Variants in FOXO1 observed in about 807,000 individuals in gnomAD.
The protein encoded by FOXO1 is forkhead box O1, also known as forkhead box protein O1.
A neutral mutation model predicts 44.1 loss-of-function variants in FOXO1; 6 were observed. That is an observed-to-expected ratio of 0.14 (90% confidence interval 0.07 to 0.27). FOXO1 has a LOEUF of 0.27. Ranked by LOEUF, FOXO1 falls within the 10% of genes least tolerant of loss-of-function variation. The probability of loss-of-function intolerance (pLI) is 1.00; values close to 1 mark genes in which losing one functional copy is unlikely to be tolerated. For missense variants in FOXO1, 737 were observed against 888.8 expected (o/e 0.83, Z 2.17); for synonymous variants, 380 against 362.7 (o/e 1.05, Z -0.54).
intron 1 of FOXO1, among the ~76,000 whole-genome samples, chr13:40,635,889 T>C (rs1375279277): frequency 2.0e-5 from 3 of 152,146 alleles, no homozygotes; most frequent in Non-Finnish European, 4.4e-5. Flanking sequence ...TGCATGCATG[T>C]GACAGACCCA....
chr13:40,595,817 G>C (rs1173857025), intron 1 of FOXO1, among the ~76,000 whole-genome samples: 2 of 151,732 alleles, frequency 1.3e-5, no homozygotes, highest in Non-Finnish European at 2.9e-5. Flanking sequence ...AAATACAGGA[G>C]GTATTTTATG....
Position 40,560,031 on chromosome 13 carries a change from G to C in FOXO1, c.1460C>G (p.Pro487Arg). Residue 487 changes from proline (P) to arginine (R), a missense_variant, in exon 2 of 3, where the codon CCC (proline) becomes CGC (arginine). Physicochemically the swap from Pro to Arg is moderately radical, Grantham distance 103 (BLOSUM62 -2). Around this residue, in one of 7 missense-constraint regions of FOXO1, gnomAD observed 283 missense variants for 278.1 expected, o/e 1.02. Transcript: ENST00000379561. The surrounding 1 kb of genome is among the most constrained non-coding windows in gnomAD (Gnocchi z 5.1). The part of the protein sequence containing the change: ...MTPVDPGVAQ[P>R]NSRVLGQNVM... ...GTTCTGGCCCAGAACCCGGCTGTTG[G>C]GCTGGGCTACCCCAGGATCAACTGG... The C allele has an allele frequency of 6.2e-7, 1 of 1,614,092 alleles. No homozygotes were observed. Among genetic ancestry groups the C allele is most frequent in the Non-Finnish European group, 8.5e-7 (1 of 1,180,030 alleles).
intron 1 of FOXO1, among the ~76,000 whole-genome samples, chr13:40,643,357 A>AG (rs1220533432): frequency 1.3e-5 from 2 of 151,710 alleles, no homozygotes; most frequent in Admixed American, 6.6e-5. Context: ...GAAAAAAAAA[A>AG]AAAAAAGAAA....
intron 1 of FOXO1, among the ~76,000 whole-genome samples, chr13:40,582,033 T>G (rs1210178795): frequency 6.6e-6 from 1 of 152,220 alleles, no homozygotes; most frequent in Non-Finnish European, 1.5e-5. Flanking sequence ...ATATGGGTAC[T>G]AATTATATTG....
chr13:40,649,038 C>T (rs1015731880), intron 1 of FOXO1, among the ~76,000 whole-genome samples: 26 of 152,258 alleles, frequency 1.7e-4, no homozygotes, highest in Middle Eastern at 6.8e-3. Context: ...AGAGCAGGGA[C>T]GTCCCCTGGA....
intron 1 of FOXO1, among the ~76,000 whole-genome samples, chr13:40,577,722 G>T (rs1874811742): frequency 6.6e-6 from 1 of 151,964 alleles, no homozygotes; most frequent in Non-Finnish European, 1.5e-5. Context: ...TTTGTCGTCG[G>T]GATTTAAAAA....
intron 1 of FOXO1, among the ~76,000 whole-genome samples, chr13:40,659,436 G>T (rs1054443232): frequency 6.6e-6 from 1 of 151,136 alleles, no homozygotes; most frequent in African/African-American, 2.4e-5. Flanking sequence ...GGGCTACACA[G>T]GCTAATTCCC....
chr13:40,665,615 T>C lies in FOXO1; in HGVS notation c.598A>G (p.Lys200Glu). 2 of 1,471,264 alleles carry C rather than the reference T, an allele frequency of 1.4e-6. No homozygotes were observed. The highest frequency in any genetic ancestry group is 1.8e-6 in the Non-Finnish European group (2 of 1,097,162). 91.1% of individuals were successfully genotyped at this position (1,471,264 alleles called of 1,614,324 possible). ...MVKSVPYFKD[K>E]GDSNSSAGWK... ...CCCGCCGAGCTGTTGCTGTCACCCT[T>C]ATCCTTGAAGTAGGGCACGCTCTTG... Residue 200 changes from lysine (K) to glutamate (E), a missense_variant, in exon 1 of 3, where the codon AAG becomes GAG. Physicochemically the swap from Lys to Glu is moderately conservative, Grantham distance 56. Transcript: ENST00000379561.
At chr13:40,610,982 C>T (rs555544651) in intron 1 of FOXO1, 6 of 448,918 alleles carry the variant, frequency 1.3e-5, no homozygotes, top group South Asian at 7.9e-5. Context: ...TGTATCTATA[C>T]ACATACATCT....
intron 1 of FOXO1, among the ~76,000 whole-genome samples, chr13:40,623,585 A>G (rs1368098076): frequency 1.3e-5 from 2 of 152,212 alleles, no homozygotes; most frequent in African/African-American, 4.8e-5. Context: ...ACTGTGTCAT[A>G]TGAACCACTG....
chr13:40,664,152 A>G (rs1566088813), intron 1 of FOXO1, among the ~76,000 whole-genome samples: 1 of 152,164 alleles, frequency 6.6e-6, no homozygotes, highest in Non-Finnish European at 1.5e-5. Flanking sequence ...TCGTGCCTGT[A>G]ATCCCAGCTA....
At chr13:40,614,218 C>T (rs914095949) in intron 1 of FOXO1, among the ~76,000 whole-genome samples, 2 of 152,190 alleles carry the variant, frequency 1.3e-5, no homozygotes, top group Non-Finnish European at 2.9e-5. Context: ...AAACAGTTTG[C>T]TGTGTGCTTG....
At chr13:40,596,843 A>G (rs975598797) in intron 1 of FOXO1, among the ~76,000 whole-genome samples, 1 of 152,236 alleles carries the variant, frequency 6.6e-6, no homozygotes, top group African/African-American at 2.4e-5. Flanking sequence ...CGTAAATCAT[A>G]TGCACAACCA....
At chr13:40,635,308 A>G (rs1877109999) in intron 1 of FOXO1, among the ~76,000 whole-genome samples, 1 of 152,214 alleles carries the variant, frequency 6.6e-6, no homozygotes, top group African/African-American at 2.4e-5. Flanking sequence ...TACTAAGTCT[A>G]CAAGTAATGC....
chr13:40,620,410 T>G, intron 1 of FOXO1: 1 of 660,394 alleles, frequency 1.5e-6, no homozygotes, highest in South Asian at 1.6e-5. Flanking sequence ...ACCATAATTC[T>G]TCCTAGGATT....
intron 1 of FOXO1, among the ~76,000 whole-genome samples, chr13:40,641,119 A>T (rs7333037): frequency 0.41 from 62,873 of 151,970 alleles, 14,247 homozygotes; most frequent in East Asian, 0.73. Context: ...CCCCACAGCA[A>T]CAACAAGGAC....
At chr13:40,605,346 G>A (rs1228833303) in intron 1 of FOXO1, among the ~76,000 whole-genome samples, 1 of 152,114 alleles carries the variant, frequency 6.6e-6, no homozygotes, top group East Asian at 1.9e-4. Flanking sequence ...ACCTGGAGAT[G>A]CTCTGTTACA....
intron 1 of FOXO1, among the ~76,000 whole-genome samples, chr13:40,579,626 C>T (rs565660689): frequency 6.6e-6 from 1 of 151,654 alleles, no homozygotes; most frequent in African/African-American, 2.4e-5. Flanking sequence ...AAAAAGGGGG[C>T]GGGGGCGGTA....
chr13:40,569,240 C>T (rs1250788181), intron 1 of FOXO1, among the ~76,000 whole-genome samples: 1 of 152,192 alleles, frequency 6.6e-6, no homozygotes, highest in Non-Finnish European at 1.5e-5. Flanking sequence ...TTGGGAAGTA[C>T]ACTGTGAGGC....
Sources: gnomAD v4.1 joint callset for allele counts (sites outside exome capture counted in the v4.1 genomes callset) on GRCh38, gnomAD v4.1.1 for gene constraint, gnomAD v4.1.1 regional missense constraint, Gnocchi (gnomAD v3.1) non-coding constraint, MANE v1.5 for transcripts, NCBI Gene and HGNC (gene_info 2026-07-23, HGNC 2026-07-21) for gene names.